The following DAB1 variants were observed in gnomAD, a reference collection of about 807,000 sequenced individuals.
The protein encoded by DAB1 is disabled homolog 1.
Under a neutral mutation model 64.6 loss-of-function variants are expected in DAB1, and 15 were observed. That is an observed-to-expected ratio of 0.23 (90% CI 0.16 to 0.36). DAB1 has a LOEUF of 0.36. Among genes scored for constraint, DAB1 ranks in the 10% least tolerant of loss-of-function variants. The pLI is 1.00. For synonymous variants in DAB1, 235 were observed against 251.9 expected (o/e 0.93, Z 0.64); for missense variants, 596 against 706.7 (o/e 0.84, Z 1.78).
chr1:57,391,278 G>A (rs1165311231), intron 1 of DAB1, among the ~76,000 whole-genome samples: 1 of 152,130 alleles, frequency 6.6e-6, no homozygotes, highest in Non-Finnish European at 1.5e-5. Flanking sequence ...ACTCAAAGAT[G>A]TATGAAAAAA....
intron 3 of DAB1, among the ~76,000 whole-genome samples, chr1:58,500,318 G>GA: frequency 6.6e-6 from 1 of 152,198 alleles, no homozygotes; most frequent in Non-Finnish European, 1.5e-5. Flanking sequence ...CAGACAAAAT[G>GA]AAATTCTGTA....
At chr1:57,741,819 C>G (rs553803170) in intron 6 of DAB1, among the ~76,000 whole-genome samples, 67 of 152,212 alleles carry the variant, frequency 4.4e-4, no homozygotes, top group African/African-American at 1.5e-3. Flanking sequence ...CTGGAGAGAC[C>G]CAGGACCTCA....
At chr1:57,211,294 G>T (rs967691555) in intron 2 of DAB1, among the ~76,000 whole-genome samples, 1 of 152,184 alleles carries the variant, frequency 6.6e-6, no homozygotes, top group African/African-American at 2.4e-5. Flanking sequence ...CTGCGGTCTG[G>T]TGGGACCCCA....
At chr1:58,145,484 C>T (rs74074110) in intron 5 of DAB1, among the ~76,000 whole-genome samples, 28,148 of 152,210 alleles carry the variant, frequency 0.18, 2,812 homozygotes, top group East Asian at 0.37. Context: ...AGCACATCGT[C>T]TGGCCCACAG....
chr1:57,845,862 A>T (rs1019321925), intron 1 of DAB1, among the ~76,000 whole-genome samples: 2 of 152,208 alleles, frequency 1.3e-5, no homozygotes, highest in Admixed American at 6.5e-5. Flanking sequence ...AGCCAAACAC[A>T]GTAAATCAAC....
At chr1:57,533,069 G>A (rs1029057925) in intron 7 of DAB1, among the ~76,000 whole-genome samples, 6 of 151,822 alleles carry the variant, frequency 4.0e-5, no homozygotes, top group East Asian at 1.9e-4. Context: ...CTCTCACTCC[G>A]GAGACAAAGT....
intron 5 of DAB1, among the ~76,000 whole-genome samples, chr1:57,980,823 TTAG>T (rs1227087292): frequency 6.6e-6 from 1 of 152,100 alleles, no homozygotes; most frequent in Non-Finnish European, 1.5e-5. Flanking sequence ...TAGTTTTTAC[TTAG>T]TCATTCCTTT....
chr1:57,859,824 C>T (rs1653928254), intron 1 of DAB1, among the ~76,000 whole-genome samples: 1 of 152,142 alleles, frequency 6.6e-6, no homozygotes, highest in African/African-American at 2.4e-5. Flanking sequence ...ATCTCTTGCA[C>T]CACTGTGAAT....
intron 7 of DAB1, among the ~76,000 whole-genome samples, chr1:57,598,340 A>C (rs6669761): frequency 6.6e-6 from 1 of 152,124 alleles, no homozygotes; most frequent in African/African-American, 2.4e-5. Context: ...ACCACAGATA[A>C]TCCTGACTCC....
At chr1:57,219,463 A>G (rs1314427468) in intron 2 of DAB1, among the ~76,000 whole-genome samples, 1 of 152,136 alleles carries the variant, frequency 6.6e-6, no homozygotes, top group Admixed American at 6.5e-5. Context: ...CCTCTCCCAT[A>G]CCATATGTGG....
chr1:57,216,572 G>C (rs1023795004), intron 2 of DAB1, among the ~76,000 whole-genome samples: 1 of 152,106 alleles, frequency 6.6e-6, no homozygotes, highest in Admixed American at 6.5e-5. Context: ...TGTCACTGTG[G>C]GTTGAGGCAA....
chr1:58,495,773 T>C (rs536780030), intron 3 of DAB1, among the ~76,000 whole-genome samples: 203 of 152,300 alleles, frequency 1.3e-3, no homozygotes, highest in Non-Finnish European at 2.1e-3. Flanking sequence ...TTGTTTTGTT[T>C]CTTTCCTCCA....
At chr1:58,451,934 T>TC (rs1233297578) in intron 3 of DAB1, among the ~76,000 whole-genome samples, 2 of 151,484 alleles carry the variant, frequency 1.3e-5, no homozygotes, top group African/African-American at 4.9e-5. Flanking sequence ...TTTTTTTTTT[T>TC]TTGACGGAGT....
rs552588443 is a variant in DAB1 at position 57,875,118 on chromosome 1, C to G, written n.87+8881G>C. 5 of 152,286 alleles carry G rather than the reference C, an allele frequency of 3.3e-5. No homozygotes were observed. The South Asian group carries it at 8.3e-4, about 25-fold the overall frequency. 9.4% of individuals were successfully genotyped at this position (152,286 alleles called of 1,614,324 possible). On this transcript the variant is annotated intron_variant and non_coding_transcript_variant, in intron 1 of 1. Coordinates refer to the DAB1 transcript ENST00000477280. Reference sequence around the variant, plus strand: ...CTGAAGATAATCCCTCCAGATGAACCATTTATTGTGTGGTTATGCCTGCTC... The same window carrying G: ...CTGAAGATAATCCCTCCAGATGAACGATTTATTGTGTGGTTATGCCTGCTC...
intron 7 of DAB1, among the ~76,000 whole-genome samples, chr1:57,449,018 G>A (rs924057855): frequency 1.1e-4 from 17 of 152,046 alleles, no homozygotes; most frequent in Admixed American, 3.3e-4. Flanking sequence ...CTGAAATACA[G>A]CATTTCCATT....
chr1:57,456,870 T>C (rs1430383226), intron 7 of DAB1, among the ~76,000 whole-genome samples: 2 of 152,216 alleles, frequency 1.3e-5, no homozygotes, highest in East Asian at 3.9e-4. Flanking sequence ...TCTCCTAAAC[T>C]GGACCCATTT....
intron 4 of DAB1, among the ~76,000 whole-genome samples, chr1:58,180,295 T>TTTTTTTTTTTTTTTTTTTTTTTTTC (rs1656718309): frequency 7.6e-6 from 1 of 130,782 alleles, no homozygotes; most frequent in Non-Finnish European, 1.6e-5. Context: ...TTTTTTTTTT[T>TTTTTTTTTTTTTTTTTTTTTTTTTC]TTTTTTTTTT....
At chr1:58,256,586 C>G (rs1036297892) in intron 4 of DAB1, among the ~76,000 whole-genome samples, 1 of 152,158 alleles carries the variant, frequency 6.6e-6, no homozygotes, top group African/African-American at 2.4e-5. Flanking sequence ...TTATGATATA[C>G]CTACTGTGTG....
chr1:57,268,840 T>G (rs1670776232), intron 2 of DAB1, among the ~76,000 whole-genome samples: 1 of 152,220 alleles, frequency 6.6e-6, no homozygotes, highest in Non-Finnish European at 1.5e-5. Context: ...TGCCAGCTAT[T>G]CACAGAATTT....
Sources: allele counts gnomAD v4.1 joint callset (sites outside exome capture counted in the v4.1 genomes callset), GRCh38; gene constraint gnomAD v4.1.1; transcripts MANE v1.5; gene names NCBI Gene and HGNC (gene_info 2026-07-23, HGNC 2026-07-21).